The following DYNLT1 variants were observed in gnomAD, a reference collection of about 807,000 sequenced individuals.
DYNLT1 encodes dynein light chain Tctex-type 1.
Under a neutral mutation model 19.6 loss-of-function variants are expected in DYNLT1, and 18 were observed. The ratio of observed to expected loss-of-function variants is 0.92; its 90% CI spans 0.64 to 1.36. DYNLT1 has a LOEUF of 1.36. DYNLT1 is among the 40% of genes most tolerant of loss of function. The pLI is 0.00. For missense variants in DYNLT1, 137 were observed against 139.3 expected, an observed-to-expected ratio of 0.98 and a Z score of 0.08; for synonymous variants, 56 against 44.0, an observed-to-expected ratio of 1.27 and a Z score of -1.07.
intron 2 of DYNLT1, among the ~76,000 whole-genome samples, chr6:158,640,455 A>G (rs1787111963): frequency 6.6e-6 from 1 of 150,380 alleles, no homozygotes. Context: ...GATGAGGAAA[A>G]CTCTTTCTGG....
In DYNLT1 at chr6:158,641,303, G is replaced by T; in HGVS notation, c.69+16C>A. 6.3e-7 allele frequency: 1 copy of T among 1,584,502 alleles called. No homozygotes were observed. The highest frequency in any genetic ancestry group is 1.2e-5 in the South Asian group (1 of 85,056). On this transcript the variant is annotated intron_variant, in intron 2 of 4. Transcript: ENST00000367089. Reference sequence around the variant, plus strand: ...AAGCCATTAAACATTTAAGAAGTGAGCATTTCTCCTCTTACCTCTTTTACA... The same window carrying T: ...AAGCCATTAAACATTTAAGAAGTGATCATTTCTCCTCTTACCTCTTTTACA...
chr6:158,637,016 C>CT, intron 4 of DYNLT1, 112 bp downstream of exon 4: 1 of 1,541,074 alleles, frequency 6.5e-7, no homozygotes. Flanking sequence ...CTTGGCAAGT[C>CT]TATTATTAAA....
At position 158,637,223 on chromosome 6, in the gene DYNLT1, T is replaced by A. The variant is rs763815494; in HGVS notation, c.194-18A>T. On this transcript the variant is annotated intron_variant, in intron 3 of 4. Transcript: ENST00000367089. Reference sequence around the variant, plus strand: ...ACAGGTCACTTAAGTTAAAACAAATTTTTGTTAGAGAAGTCTACTGGGTAA... The same window carrying A: ...ACAGGTCACTTAAGTTAAAACAAATATTTGTTAGAGAAGTCTACTGGGTAA... The A allele has an allele frequency of 3.2e-5, 51 of 1,612,318 alleles. No homozygotes were observed. The East Asian group carries it at 1.1e-3, about 35-fold the overall frequency.
At chr6:158,643,667 G>A (rs536970167) in intron 1 of DYNLT1, among the ~76,000 whole-genome samples, 1 of 152,120 alleles carries the variant, frequency 6.6e-6, no homozygotes, top group African/African-American at 2.4e-5. Context: ...TTTTAAAAGA[G>A]ACGGGGTTTC....
chr6:158,637,264 G>T, intron 3 of DYNLT1, 59 bp from the exon 4 acceptor site: 1 of 1,510,948 alleles, frequency 6.6e-7, no homozygotes, highest in Non-Finnish European at 9.2e-7. Flanking sequence ...ATGTCATTCT[G>T]TCCACTTTTA....
At chr6:158,644,619 CG>C in intron 1 of DYNLT1, 62 bp downstream of exon 1, 1 of 1,600,618 alleles carries the variant, frequency 6.2e-7, no homozygotes. Flanking sequence ...CGGGCAGGAC[CG>C]CGTGTCCTTC....
Position 158,636,874 on chromosome 6 carries a change from T to C in DYNLT1, c.295A>G (p.Asn99Asp). 6.2e-7 allele frequency: 1 copy of C among 1,613,568 alleles called. No individual in the cohort carries two copies. The highest frequency in any genetic ancestry group is 1.7e-5 in the Admixed American group (1 of 59,952). The change falls in exon 5 of 5, where the codon AAT (asparagine) becomes GAT (aspartate). Residue 99 changes from asparagine to aspartate, a missense_variant. Asn to Asp is a conservative substitution (Grantham distance 23, BLOSUM62 1). Transcript: ENST00000367089. Reference sequence around the variant, plus strand: ...CTGACGATGCAGTACATGGTCTTATTCTCCCATCGCACAGTGCAGCTCCCT... The same window carrying C: ...CTGACGATGCAGTACATGGTCTTATCCTCCCATCGCACAGTGCAGCTCCCT... ...TDGSCTVRWENKTMYCIVSAF... is the reference protein window; with the variant it reads ...TDGSCTVRWEDKTMYCIVSAF...
chr6:158,638,108 C>G (rs1787057783), intron 2 of DYNLT1, among the ~76,000 whole-genome samples: 1 of 152,186 alleles, frequency 6.6e-6, no homozygotes, highest in South Asian at 2.1e-4. Flanking sequence ...ATTATTTACA[C>G]ATTTTGACCT....
chr6:158,637,637 A>T, intron 3 of DYNLT1, 134 bp downstream of exon 3: 2 of 1,389,518 alleles, frequency 1.4e-6, no homozygotes, highest in Non-Finnish European at 2.0e-6. Context: ...AACGTATACT[A>T]CACACACGAC....
At chr6:158,639,918 A>G (rs1212478702) in intron 2 of DYNLT1, among the ~76,000 whole-genome samples, 2 of 152,160 alleles carry the variant, frequency 1.3e-5, no homozygotes, top group Non-Finnish European at 2.9e-5. Flanking sequence ...TGACCTCATG[A>G]TCCGCCCACC....
intron 3 of DYNLT1, 160 bp from the exon 4 acceptor site, chr6:158,637,365 T>C (rs1787032546): frequency 3.0e-6 from 2 of 660,824 alleles, no homozygotes; most frequent in Admixed American, 2.9e-5. Context: ...ATTGACAAAT[T>C]ATAGGTGCTC....
At position 158,644,717 on chromosome 6, in the gene DYNLT1, C is replaced by T. The variant is rs929506740; in HGVS notation, c.-9G>A. 1 of 1,611,300 alleles carries T rather than the reference C, an allele frequency of 6.2e-7. No individual in the cohort carries two copies. ...GCCTGGTAGTCTTCCATCTTTCCTCCGGCGCGTCCCCTCCGGCTCCCTGAG... is the reference window on the plus strand; with the variant it reads ...GCCTGGTAGTCTTCCATCTTTCCTCTGGCGCGTCCCCTCCGGCTCCCTGAG... On this transcript the variant is annotated 5_prime_UTR_variant, in exon 1 of 5. Coordinates refer to ENST00000367089, the MANE Select transcript of DYNLT1 (RefSeq NM_006519.4).
At chr6:158,642,990 A>G (rs1381533997) in intron 1 of DYNLT1, among the ~76,000 whole-genome samples, 5 of 152,194 alleles carry the variant, frequency 3.3e-5, no homozygotes, top group Admixed American at 2.0e-4. Context: ...CATTCAGTAA[A>G]TACCTAAGAC....
chr6:158,644,608 C>T (rs1787307164), intron 1 of DYNLT1, 74 bp downstream of exon 1: 1 of 1,586,172 alleles, frequency 6.3e-7, no homozygotes, highest in Admixed American at 1.7e-5. Context: ...CCAGGCCTTT[C>T]CGGGCAGGAC....
chr6:158,637,511 T>C (rs1787036317), intron 3 of DYNLT1: 2 of 633,490 alleles, frequency 3.2e-6, no homozygotes, highest in Non-Finnish European at 5.6e-6. Flanking sequence ...CTGGGGGCTG[T>C]CCACACTTCC....
Position 158,636,754 on chromosome 6 carries a change from C to T in DYNLT1, c.*73G>A. 1 of 1,473,456 alleles carries T rather than the reference C, an allele frequency of 6.8e-7. No homozygotes were observed. The highest frequency in any genetic ancestry group is 9.3e-7 in the Non-Finnish European group (1 of 1,080,400). 91.3% of individuals were successfully genotyped at this position (1,473,456 alleles called of 1,614,324 possible). ...AAACAAAGAGAATGAGAAAAGAGTT[C>T]ACTGAATTCATGGCTGGTGGTTAGA... On this transcript the variant is annotated 3_prime_UTR_variant, in exon 5 of 5. Coordinates refer to ENST00000367089, the MANE Select transcript of DYNLT1 (RefSeq NM_006519.4).
chr6:158,639,261 A>G (rs901900418), intron 2 of DYNLT1, among the ~76,000 whole-genome samples: 11 of 152,162 alleles, frequency 7.2e-5, no homozygotes, highest in East Asian at 1.9e-4. Flanking sequence ...GGGCTGGCTT[A>G]CTTCTTGTCC....
rs556837435 is a variant in DYNLT1 at position 158,641,614 on chromosome 6, C to T, written c.28-254G>A. 79 of 254,730 alleles carry T rather than the reference C, an allele frequency of 3.1e-4. 1 individual carries two copies. The highest frequency in any genetic ancestry group is 1.6e-3 in the African/African-American group (73 of 44,772). 15.8% of individuals were successfully genotyped at this position (254,730 alleles called of 1,614,324 possible). ...TGAGACGGAGTGTCGCTCTGTAGCC[C>T]AGGCTGGAATGCAGTGGCGCAATCT... On this transcript the variant is annotated intron_variant, in intron 1 of 4. Coordinates refer to ENST00000367089, the MANE Select transcript of DYNLT1 (RefSeq NM_006519.4).
At chr6:158,638,494 G>C (rs182285532) in intron 2 of DYNLT1, among the ~76,000 whole-genome samples, 8 of 151,968 alleles carry the variant, frequency 5.3e-5, no homozygotes, top group African/African-American at 1.7e-4. Flanking sequence ...ATGGAATCTT[G>C]GCTCACTGCA....
Sources: gnomAD v4.1 joint callset for allele counts (sites outside exome capture counted in the v4.1 genomes callset) on GRCh38, gnomAD v4.1.1 for gene constraint, MANE v1.5 for transcripts, NCBI Gene and HGNC (gene_info 2026-07-23, HGNC 2026-07-21) for gene names.